The following CSMD1 variants were observed in gnomAD, a reference collection of about 807,000 sequenced individuals.
CSMD1 encodes CUB and sushi domain-containing protein 1.
Under a neutral mutation model 417.5 loss-of-function variants are expected in CSMD1, and 213 were observed. That is an observed-to-expected ratio of 0.51 (90% CI 0.46 to 0.57). The LOEUF (loss-of-function observed/expected upper bound fraction) is 0.57. Among genes scored for constraint, CSMD1 ranks in the 20% least tolerant of loss-of-function variants. The probability of loss-of-function intolerance (pLI) is 0.00; values close to 1 mark genes in which losing one functional copy is unlikely to be tolerated. For synonymous variants in CSMD1, 2,862 were observed against 1,736.8 expected (o/e 1.65, Z -16.11); for missense variants, 6,923 against 4,529.7 (o/e 1.53, Z -15.17).
intron 3 of CSMD1, among the ~76,000 whole-genome samples, chr8:4,404,232 T>C (rs1804854539): frequency 6.6e-6 from 1 of 152,178 alleles, no homozygotes; most frequent in South Asian, 2.1e-4. Flanking sequence ...TATTTTATAT[T>C]ATCTGTCACC....
Position 3,087,071 on chromosome 8 carries a change from G to C in CSMD1, c.7474+26C>G, listed in dbSNP as rs1368894003. ...ATGAGAGCAATACACAGGAAACAAG[G>C]CTGGGGATGAAAACGCATTTCTTAC... On this transcript the variant is annotated intron_variant, in intron 49 of 69. Coordinates refer to ENST00000635120, the MANE Select transcript of CSMD1 (RefSeq NM_033225.6). 5.7e-6 allele frequency: 9 copies of C among 1,591,744 alleles called. No homozygotes were observed. The African/African-American group carries it at 8.1e-5, about 14-fold the overall frequency.
At chr8:3,986,445 A>C (rs1347119007) in intron 5 of CSMD1, among the ~76,000 whole-genome samples, 1 of 152,150 alleles carries the variant, frequency 6.6e-6, no homozygotes, top group Non-Finnish European at 1.5e-5. Flanking sequence ...AATCTGAAAT[A>C]TCAGGGTATA....
At chr8:3,231,797 T>G (rs531282406) in intron 26 of CSMD1, among the ~76,000 whole-genome samples, 1 of 152,188 alleles carries the variant, frequency 6.6e-6, no homozygotes, top group East Asian at 1.9e-4. Flanking sequence ...AGTACCTAAT[T>G]AGTACTTAAT....
chr8:4,551,534 A>T (rs1174756347), intron 2 of CSMD1, among the ~76,000 whole-genome samples: 1 of 152,090 alleles, frequency 6.6e-6, no homozygotes, highest in East Asian at 1.9e-4. Flanking sequence ...AACCATCCCT[A>T]TGGTCTTCCC....
intron 23 of CSMD1, among the ~76,000 whole-genome samples, chr8:3,325,337 A>G (rs1444754277): frequency 2.6e-5 from 4 of 152,224 alleles, no homozygotes; most frequent in Non-Finnish European, 5.9e-5. Context: ...CTCCTATCAT[A>G]ACATTTTAGA....
At chr8:3,582,298 A>C (rs1800417141) in intron 9 of CSMD1, among the ~76,000 whole-genome samples, 1 of 152,232 alleles carries the variant, frequency 6.6e-6, no homozygotes, top group South Asian at 2.1e-4. Context: ...CCACTTTTAT[A>C]AATGTTTTTC....
intron 3 of CSMD1, among the ~76,000 whole-genome samples, chr8:4,213,272 C>A (rs913037249): frequency 1.3e-5 from 2 of 152,124 alleles, no homozygotes; most frequent in African/African-American, 4.8e-5. Context: ...AGGCGGGGTC[C>A]TGTCAGGTCT....
At chr8:4,008,148 C>G (rs2740962) in intron 4 of CSMD1, among the ~76,000 whole-genome samples, 1 of 151,914 alleles carries the variant, frequency 6.6e-6, no homozygotes, top group African/African-American at 2.4e-5. Flanking sequence ...ACAAAATAGT[C>G]ACAGCAAAAC....
At chr8:4,114,948 G>A (rs948335960) in intron 3 of CSMD1, among the ~76,000 whole-genome samples, 1 of 152,186 alleles carries the variant, frequency 6.6e-6, no homozygotes, top group African/African-American at 2.4e-5. Flanking sequence ...TCCTGGTAAA[G>A]ATGCCATAAA....
At chr8:4,460,663 A>G (rs530403271) in intron 2 of CSMD1, among the ~76,000 whole-genome samples, 1 of 131,118 alleles carries the variant, frequency 7.6e-6, no homozygotes, top group Admixed American at 7.2e-5. Flanking sequence ...TAAGAAGAAG[A>G]CTGTAAGAGA....
At chr8:4,297,646 C>T (rs889634562) in intron 3 of CSMD1, among the ~76,000 whole-genome samples, 3 of 152,106 alleles carry the variant, frequency 2.0e-5, no homozygotes, top group Admixed American at 1.3e-4. Context: ...AAAGTTCACA[C>T]TAGGGTTTGG....
intron 10 of CSMD1, among the ~76,000 whole-genome samples, chr8:3,537,868 T>G (rs1054338584): frequency 6.6e-6 from 1 of 152,228 alleles, no homozygotes; most frequent in Admixed American, 6.5e-5. Context: ...TTCAGGAGCC[T>G]CTTCTCCCAT....
intron 26 of CSMD1, among the ~76,000 whole-genome samples, chr8:3,257,482 T>G (rs967612996): frequency 2.6e-5 from 4 of 152,144 alleles, no homozygotes; most frequent in Non-Finnish European, 5.9e-5. Flanking sequence ...TGAAATATTA[T>G]GGATATGGAC....
At chr8:4,666,305 G>T (rs1477572554) in intron 1 of CSMD1, among the ~76,000 whole-genome samples, 1 of 152,156 alleles carries the variant, frequency 6.6e-6, no homozygotes, top group Non-Finnish European at 1.5e-5. Context: ...GATGATTTTG[G>T]AATAGCCAGA....
chr8:3,468,924 G>A, intron 11 of CSMD1, 100 bp from the exon 12 acceptor site: 1 of 682,074 alleles, frequency 1.5e-6, no homozygotes, highest in Non-Finnish European at 2.5e-6. Flanking sequence ...CCAAACCCTA[G>A]ATATATAGGT....
intron 3 of CSMD1, among the ~76,000 whole-genome samples, chr8:4,033,989 A>G (rs1158266155): frequency 2.0e-5 from 3 of 152,224 alleles, no homozygotes; most frequent in Admixed American, 1.3e-4. Flanking sequence ...GAAACTTACT[A>G]GTAGAGAAAT....
intron 1 of CSMD1, among the ~76,000 whole-genome samples, chr8:4,750,727 T>A (rs989005462): frequency 1.3e-5 from 2 of 152,002 alleles, no homozygotes; most frequent in Non-Finnish European, 2.9e-5. Flanking sequence ...TTGACTTTTG[T>A]CAGTAAATAC....
intron 21 of CSMD1, 92 bp from the exon 22 acceptor site, chr8:3,348,253 C>T (rs1158415576): frequency 1.0e-5 from 9 of 868,320 alleles, no homozygotes; most frequent in African/African-American, 1.7e-5. Flanking sequence ...ATAGCCTCCT[C>T]TTCTATCAAC....
intron 8 of CSMD1, among the ~76,000 whole-genome samples, chr8:3,599,161 GTC>G (rs551177315): frequency 0.092 from 11,321 of 123,448 alleles, 698 homozygotes; most frequent in Admixed American, 0.22. Flanking sequence ...CTGTGTGTGT[GTC>G]TGTGTGTGTG....
Sources: allele counts gnomAD v4.1 joint callset (sites outside exome capture counted in the v4.1 genomes callset), GRCh38; gene constraint gnomAD v4.1.1; transcripts MANE v1.5; gene names NCBI Gene and HGNC (gene_info 2026-07-23, HGNC 2026-07-21).